CA10: variants seen among roughly 807,000 people sequenced by gnomAD.
The protein encoded by CA10 is carbonic anhydrase-related protein 10.
CA10 carries 14 observed loss-of-function variants against 44.2 expected under a neutral mutation model. The observed-to-expected ratio is 0.32, with a 90% CI of 0.21 to 0.50. The LOEUF (loss-of-function observed/expected upper bound fraction) is 0.50. Among genes scored for constraint, CA10 ranks in the 20% least tolerant of loss-of-function variants. The pLI, the probability that CA10 is intolerant of heterozygous loss-of-function variation, is 0.99. For synonymous variants in CA10, 159 were observed against 141.6 expected, an observed-to-expected ratio of 1.12 and a Z score of -0.87; for missense variants, 350 against 409.7, an observed-to-expected ratio of 0.85 and a Z score of 1.26.
At position 51,943,838 on chromosome 17, in the gene CA10, C is replaced by T. The variant is rs553833274; in HGVS notation, c.137-12706G>A. 2.3e-3 allele frequency among the ~76,000 whole-genome samples: 352 copies of T among 152,266 alleles called. 2 individuals carry two copies. The highest frequency in any genetic ancestry group is 8.0e-3 in the African/African-American group (332 of 41,564). On this transcript the variant is annotated intron_variant, in intron 2 of 8. Coordinates refer to ENST00000451037, the MANE Select transcript of CA10 (RefSeq NM_020178.5). ...TTTCTCAGCTTTACAAGGTCAGCAACATGACCTTAACAATGACAGGCCTAA... is the reference window on the plus strand; with the variant it reads ...TTTCTCAGCTTTACAAGGTCAGCAATATGACCTTAACAATGACAGGCCTAA...
rs1567854687 is a variant in CA10 at position 51,831,733 on chromosome 17, A to AGCAGC, written c.280-83916_280-83915insGCTGC. Among the ~76,000 whole-genome samples, 140 of 121,552 alleles carry AGCAGC rather than the reference A, an allele frequency of 1.2e-3. 17 individuals are homozygous for AGCAGC. Among genetic ancestry groups the AGCAGC allele is most frequent in the East Asian group, 2.5e-3 (12 of 4,712 alleles). The allele number at this position is 121,552 out of a possible 152,430, so 79.7% of individuals were successfully genotyped here. ...GCAGCAGCAGCAGCAGCAGCAGCAG[A>AGCAGC]AAAAGACCTTCCTTCCACCTTATTT... is the stretch of plus-strand genomic sequence containing the variant. On this transcript the variant is annotated intron_variant, in intron 3 of 8. Transcript: ENST00000451037.
intron 3 of CA10, among the ~76,000 whole-genome samples, chr17:51,837,098 A>AC (rs982260906): frequency 6.6e-6 from 1 of 151,960 alleles, no homozygotes; most frequent in Non-Finnish European, 1.5e-5. Flanking sequence ...ACACACACAC[A>AC]CACACAAACA....
intron 6 of CA10, among the ~76,000 whole-genome samples, chr17:51,638,520 A>G (rs1912933159): frequency 6.6e-6 from 1 of 152,236 alleles, no homozygotes. Flanking sequence ...TAACAAAGCC[A>G]CAGTGCCCAG....
intron 3 of CA10, among the ~76,000 whole-genome samples, chr17:51,872,718 G>A (rs1979873412): frequency 1.3e-5 from 2 of 152,190 alleles, no homozygotes; most frequent in South Asian, 2.1e-4. Context: ...TTTGCAAACT[G>A]GTTAATACCA....
intron 2 of CA10, among the ~76,000 whole-genome samples, chr17:52,044,885 G>A (rs1257807296): frequency 6.6e-6 from 1 of 151,028 alleles, no homozygotes; most frequent in Non-Finnish European, 1.5e-5. Flanking sequence ...AATTGAGATT[G>A]GAAAGTGGGT....
At chr17:52,120,599 C>T (rs935594720) in intron 1 of CA10, among the ~76,000 whole-genome samples, 4 of 152,152 alleles carry the variant, frequency 2.6e-5, no homozygotes, top group Non-Finnish European at 5.9e-5. Context: ...GAATCTCTGA[C>T]CTGCCCCACA....
chr17:51,956,325 A>G (rs986114239), intron 2 of CA10, among the ~76,000 whole-genome samples: 31 of 152,112 alleles, frequency 2.0e-4, no homozygotes, highest in African/African-American at 6.5e-4. Flanking sequence ...TTCACTACAC[A>G]TGTATGTATC....
Position 51,730,975 on chromosome 17 carries a change from G to C in CA10, c.465+16658C>G, listed in dbSNP as rs115519662. ...ACCGATACTAAATAGAGTTGTTATAGACCAATCTCCTTTGCCCGGATAAGA... is the reference window on the plus strand; with the variant it reads ...ACCGATACTAAATAGAGTTGTTATACACCAATCTCCTTTGCCCGGATAAGA... On this transcript the variant is annotated intron_variant, in intron 4 of 8. Transcript: ENST00000451037. Among the ~76,000 whole-genome samples the C allele has an allele frequency of 1.9e-3, 285 of 152,208 alleles. 1 individual carries two copies. Among genetic ancestry groups the C allele is most frequent in the African/African-American group, 6.7e-3 (277 of 41,520 alleles).
At chr17:51,714,102 C>T (rs1250303605) in intron 4 of CA10, among the ~76,000 whole-genome samples, 1 of 152,106 alleles carries the variant, frequency 6.6e-6, no homozygotes, top group African/African-American at 2.4e-5. Flanking sequence ...TATATGTGTG[C>T]ATTTGTGCTG....
At chr17:51,662,667 C>A (rs1308829400) in intron 4 of CA10, among the ~76,000 whole-genome samples, 1 of 152,152 alleles carries the variant, frequency 6.6e-6, no homozygotes, top group Admixed American at 6.6e-5. Flanking sequence ...TTACCAGCCA[C>A]CACATTCTCA....
chr17:52,001,705 A>G (rs1173174923), intron 2 of CA10, among the ~76,000 whole-genome samples: 1 of 151,986 alleles, frequency 6.6e-6, no homozygotes, highest in Non-Finnish European at 1.5e-5. Context: ...ACTGTATAGA[A>G]ATAGGCCATG....
At chr17:51,748,543 G>GT (rs1411734795) in intron 3 of CA10, 1 of 469,084 alleles carries the variant, frequency 2.1e-6, no homozygotes, top group African/African-American at 3.7e-5. Flanking sequence ...TTTCCTGACT[G>GT]TGACCTCAAC....
intron 4 of CA10, among the ~76,000 whole-genome samples, chr17:51,721,898 C>T (rs1916362853): frequency 6.6e-6 from 1 of 152,014 alleles, no homozygotes; most frequent in South Asian, 2.1e-4. Flanking sequence ...TGAGTTGTAT[C>T]CTTTATAATA....
intron 4 of CA10, among the ~76,000 whole-genome samples, chr17:51,704,334 A>G (rs966208300): frequency 6.6e-6 from 1 of 152,254 alleles, no homozygotes; most frequent in African/African-American, 2.4e-5. Flanking sequence ...GTAAAAGCAC[A>G]CAATTGAAAC....
rs543483730 is a variant in CA10 at position 52,010,995 on chromosome 17, G to A, written c.136+61324C>T. Among the ~76,000 whole-genome samples, 6 of 151,106 alleles carry A rather than the reference G, an allele frequency of 4.0e-5. No homozygotes were observed. In the South Asian group the frequency reaches 1.3e-3, roughly 32 times the overall value. On this transcript the variant is annotated intron_variant, in intron 2 of 8. Coordinates refer to ENST00000451037, the MANE Select transcript of CA10 (RefSeq NM_020178.5). ...TGCTACAAACACACAAGCAGTTGGC[G>A]GGGGCGGGGGAGGGGGCACAGAGAC...
In CA10 at chr17:51,747,075, GA is replaced by G. The variant is rs142654000; in HGVS notation, c.465+557del. Among the ~76,000 whole-genome samples, 311 of 152,248 alleles carry G rather than the reference GA, an allele frequency of 2.0e-3. 2 individuals are homozygous for G. Among genetic ancestry groups the G allele is most frequent in the Middle Eastern group, 0.02 (6 of 294 alleles). ...AAACTGTAGCTCTTGTCCTATAAAT[GA>G]AACTGTGGTTGGGCTCTCTGCTGTG... On this transcript the variant is annotated intron_variant, in intron 4 of 8. Transcript: ENST00000451037.
intron 4 of CA10, among the ~76,000 whole-genome samples, chr17:51,666,533 A>G (rs1914213968): frequency 6.6e-6 from 1 of 152,096 alleles, no homozygotes. Flanking sequence ...GTGGTGTCTG[A>G]TTCTTCCAGA....
chr17:51,761,438 T>G (rs1027629660), intron 3 of CA10: 1 of 152,018 alleles, frequency 6.6e-6, no homozygotes, highest in Non-Finnish European at 1.5e-5. Context: ...CCTCTTAATA[T>G]CTCTCCTAAG....
chr17:51,825,377 C>G (rs1173510794), intron 3 of CA10, among the ~76,000 whole-genome samples: 1 of 151,976 alleles, frequency 6.6e-6, no homozygotes. Context: ...ATACTCTTTA[C>G]CAGGCCCTCT....
Sources: allele counts gnomAD v4.1 joint callset (sites outside exome capture counted in the v4.1 genomes callset), GRCh38; gene constraint gnomAD v4.1.1; transcripts MANE v1.5; gene names NCBI Gene and HGNC (gene_info 2026-07-23, HGNC 2026-07-21).